Variants in GXYLT2 observed in about 807,000 individuals in gnomAD.
The protein encoded by GXYLT2 is glycosyltransferase 8 domain containing 4.
In GXYLT2, 53 loss-of-function variants were observed where a neutral mutation model predicts 45.8. The ratio of observed to expected loss-of-function variants is 1.16; its 90% confidence interval spans 0.93 to 1.46. GXYLT2 has a LOEUF of 1.46. Ranked by LOEUF, GXYLT2 falls within the 40% of genes most tolerant of loss-of-function variation. The probability of loss-of-function intolerance (pLI) is 0.00; values close to 1 mark genes in which losing one functional copy is unlikely to be tolerated. For synonymous variants in GXYLT2, 219 were observed against 214.2 expected (o/e 1.02, Z -0.19); for missense variants, 551 against 544.4 (o/e 1.01, Z -0.12).
In GXYLT2 at chr3:72,975,461, C is replaced by CTA. The variant is rs1559537361; in HGVS notation, c.*302_*303insTA. ...TTTTGTGAGCCTTCTAATTCCTAAACGTCTGAGACCATTTCAGTGGCACCT... is the reference window on the plus strand; with the variant it reads ...TTTTGTGAGCCTTCTAATTCCTAAACTAGTCTGAGACCATTTCAGTGGCACCT... On this transcript the variant is annotated 3_prime_UTR_variant, in exon 7 of 7. Coordinates refer to ENST00000389617, the MANE Select transcript of GXYLT2 (RefSeq NM_001080393.2). 4.4e-6 allele frequency: 1 copy of CTA among 229,782 alleles called. No individual in the cohort carries two copies. Among genetic ancestry groups the CTA allele is most frequent in the Non-Finnish European group, 8.4e-6 (1 of 119,478 alleles). The allele number at this position is 229,782 out of a possible 1,614,324, so 14.2% of individuals were successfully genotyped here.
At chr3:72,914,115 A>G (rs758853265) in intron 2 of GXYLT2, among the ~76,000 whole-genome samples, 1 of 151,922 alleles carries the variant, frequency 6.6e-6, no homozygotes, top group Non-Finnish European at 1.5e-5. Context: ...AGGGCCACAT[A>G]TTTTTTACCT....
intron 3 of GXYLT2, among the ~76,000 whole-genome samples, chr3:72,942,612 G>T (rs776786368): frequency 6.6e-6 from 1 of 152,182 alleles, no homozygotes; most frequent in Admixed American, 6.6e-5. Flanking sequence ...GGTCAACATC[G>T]TATATGCCCA....
At chr3:72,912,013 A>ATATATATT (rs1156864738) in intron 2 of GXYLT2, among the ~76,000 whole-genome samples, 40 of 114,882 alleles carry the variant, frequency 3.5e-4, no homozygotes, top group African/African-American at 1.5e-3. Flanking sequence ...ATATATATAT[A>ATATATATT]TTTTTTTTTT....
At position 72,930,580 on chromosome 3, in the gene GXYLT2, TTTC is replaced by T. The variant is rs796266621; in HGVS notation, c.600+8257_600+8259del. 9.5e-3 allele frequency among the ~76,000 whole-genome samples: 1,274 copies of T among 134,468 alleles called. 13 individuals are homozygous for T. Among genetic ancestry groups the T allele is most frequent in the African/African-American group, 0.025 (908 of 36,948 alleles). The allele number at this position is 134,468 out of a possible 152,430, so 88.2% of individuals were successfully genotyped here. On this transcript the variant is annotated intron_variant, in intron 3 of 6. Transcript: ENST00000389617. Reference sequence around the variant, plus strand: ...TGAGTGCCCCTCTTTTCTTTTTCTTTTTCTTCTTCTTCTTTTTTTTTTTTTTTT... The same window carrying T: ...TGAGTGCCCCTCTTTTCTTTTTCTTTTTCTTCTTCTTTTTTTTTTTTTTTT...
intron 3 of GXYLT2, chr3:72,928,898 C>G: frequency 1.4e-6 from 1 of 691,082 alleles, no homozygotes; most frequent in Non-Finnish European, 2.6e-6. Context: ...AGTGCTTGGA[C>G]GGAACCCGGC....
chr3:72,926,506 G>A (rs371339587), intron 3 of GXYLT2, among the ~76,000 whole-genome samples: 1 of 152,178 alleles, frequency 6.6e-6, no homozygotes, highest in East Asian at 1.9e-4. Context: ...AATCAAATGT[G>A]TTCATTAAAA....
chr3:72,914,785 C>T (rs921612750), intron 2 of GXYLT2, among the ~76,000 whole-genome samples: 1 of 152,126 alleles, frequency 6.6e-6, no homozygotes, highest in African/African-American at 2.4e-5. Flanking sequence ...GAGCCTGGGT[C>T]TGTCTCAAGC....
At chr3:72,963,585 C>T (rs960037417) in intron 5 of GXYLT2, among the ~76,000 whole-genome samples, 1 of 151,282 alleles carries the variant, frequency 6.6e-6, no homozygotes, top group African/African-American at 2.4e-5. Flanking sequence ...TCAATGCAAC[C>T]TCCACATCCT....
chr3:72,928,653 G>A (rs1709962721), intron 3 of GXYLT2, among the ~76,000 whole-genome samples: 1 of 152,042 alleles, frequency 6.6e-6, no homozygotes, highest in African/African-American at 2.4e-5. Flanking sequence ...AGAGCCAGAG[G>A]ACAATGCAGG....
chr3:72,975,038 A>T lies in GXYLT2; in HGVS notation c.1211A>T (p.Glu404Val), dbSNP rs1011102406. Reference protein sequence around the residue: ...MYYPLQLKFLETVHTLCGRIP... With the variant: ...MYYPLQLKFLVTVHTLCGRIP... ...TACCCCCTTCAGCTGAAGTTTTTGG[A>T]GACTGTGCACACTTTATGTGGACGA... Residue 404 changes from glutamate to valine, a missense_variant, in exon 7 of 7, where the codon GAG becomes GTG. Physicochemically the swap from Glu to Val is moderately radical, Grantham distance 121. Coordinates refer to ENST00000389617, the MANE Select transcript of GXYLT2 (RefSeq NM_001080393.2). 6.2e-7 allele frequency: 1 copy of T among 1,611,228 alleles called. No individual in the cohort carries two copies. The highest frequency in any genetic ancestry group is 8.5e-7 in the Non-Finnish European group (1 of 1,178,346).
intron 1 of GXYLT2, among the ~76,000 whole-genome samples, chr3:72,894,531 T>G (rs566458165): frequency 6.6e-6 from 1 of 152,184 alleles, no homozygotes; most frequent in South Asian, 2.1e-4. Flanking sequence ...ATATGGTAAA[T>G]GTACCTGATA....
chr3:72,918,887 G>A (rs981868661), intron 2 of GXYLT2, among the ~76,000 whole-genome samples: 2 of 152,112 alleles, frequency 1.3e-5, no homozygotes, highest in African/African-American at 4.8e-5. Flanking sequence ...AAGATGTTCA[G>A]TGTCATATGT....
rs1274573240 is a variant in GXYLT2, at chr3:72,967,687, A to G, written c.1117A>G (p.Thr373Ala). 2.5e-6 allele frequency: 4 copies of G among 1,613,762 alleles called. No homozygotes were observed. The East Asian group carries it at 6.7e-5, about 27-fold the overall frequency. ...CGTCTACCATGACGATAAGCAACCA[A>G]CGTTCAGAGCACTCTATGAAGCAAT... ...RGVYHDDKQP[T>A]FRALYEAIRD... The change falls in exon 6 of 7, where the codon ACG becomes GCG. Residue 373 changes from threonine to alanine, a missense_variant. Physicochemically the swap from Thr to Ala is moderately conservative, Grantham distance 58. Transcript: ENST00000389617.
chr3:72,945,552 G>A (rs1179113764), intron 3 of GXYLT2, among the ~76,000 whole-genome samples: 2 of 152,208 alleles, frequency 1.3e-5, no homozygotes, highest in Non-Finnish European at 2.9e-5. Context: ...CGGAAGGAAG[G>A]AAGTCGGGTG....
At chr3:72,957,569 A>C (rs1710673513) in intron 5 of GXYLT2, among the ~76,000 whole-genome samples, 1 of 152,182 alleles carries the variant, frequency 6.6e-6, no homozygotes, top group Non-Finnish European at 1.5e-5. Flanking sequence ...TGAAACTTCC[A>C]ACACTGGACT....
chr3:72,896,470 T>C (rs1709293327), intron 1 of GXYLT2, among the ~76,000 whole-genome samples: 1 of 151,946 alleles, frequency 6.6e-6, no homozygotes. Flanking sequence ...CTTGTGGGGG[T>C]AGGTATGACT....
chr3:72,888,360 C>T lies in GXYLT2; in HGVS notation c.127C>T (p.Pro43Ser), dbSNP rs1709106926. 4.1e-6 allele frequency: 4 copies of T among 983,080 alleles called. No individual in the cohort carries two copies. The highest frequency in any genetic ancestry group is 4.8e-6 in the Non-Finnish European group (4 of 830,136). 60.9% of individuals were successfully genotyped at this position (983,080 alleles called of 1,614,324 possible). A position where few individuals can be genotyped will look rare whatever the true frequency, so the allele number is the denominator to read the frequency against. Residue 43 changes from proline to serine, a missense_variant, in exon 1 of 7, where the codon CCG becomes TCG. Pro to Ser is a moderately conservative substitution (Grantham distance 74, BLOSUM62 -1). Transcript: ENST00000389617. ...GCTGCCCGCGCGCCCCGCGTCCGCC[C>T]CGCAGCGCCACCCCGCGCCTGTCCC... ...PALPARPASAPQRHPAPVPAR... is the reference protein window; with the variant it reads ...PALPARPASASQRHPAPVPAR...
At chr3:72,957,409 G>T in intron 5 of GXYLT2, 57 bp downstream of exon 5, 1 of 1,515,226 alleles carries the variant, frequency 6.6e-7, no homozygotes, top group Admixed American at 2.0e-5. Context: ...ACACCCCACG[G>T]AGCACATTCC....
chr3:72,930,214 T>C lies in GXYLT2; in HGVS notation c.600+7879T>C, dbSNP rs368714343. On this transcript the variant is annotated intron_variant, in intron 3 of 6. Transcript: ENST00000389617. Reference sequence around the variant, plus strand: ...AGTTGCAGTTATAGTTGATAAAGAATACAGTCGAACTGTGTGCTCTCTATA... The same window carrying C: ...AGTTGCAGTTATAGTTGATAAAGAACACAGTCGAACTGTGTGCTCTCTATA... Among the ~76,000 whole-genome samples, 7 of 151,568 alleles carry C rather than the reference T, an allele frequency of 4.6e-5. No homozygotes were observed. The East Asian group carries it at 7.8e-4, about 17-fold the overall frequency.
Sources: allele counts gnomAD v4.1 joint callset (sites outside exome capture counted in the v4.1 genomes callset), GRCh38; gene constraint gnomAD v4.1.1; transcripts MANE v1.5; gene names NCBI Gene and HGNC (gene_info 2026-07-23, HGNC 2026-07-21).